The following TRIM51G variants were observed in gnomAD, a reference collection of about 807,000 sequenced individuals.
TRIM51G encodes tripartite motif-containing 51G.
the TRIM51G span, among the ~76,000 whole-genome samples, chr11:48,978,393 G>T: frequency 6.6e-6 from 1 of 151,984 alleles, no homozygotes; most frequent in South Asian, 2.1e-4. Flanking sequence ...AGGGAGAGGA[G>T]GCCCACAGAG....
the TRIM51G span, among the ~76,000 whole-genome samples, chr11:48,979,459 TATGTAAAACC>T: frequency 6.6e-6 from 1 of 152,150 alleles, no homozygotes; most frequent in Non-Finnish European, 1.5e-5. Flanking sequence ...TGGGGCAAGT[TATGTAAAACC>T]ATTATATGAC....
At chr11:48,981,849 A>G in the TRIM51G span, among the ~76,000 whole-genome samples, 3 of 152,304 alleles carry the variant, frequency 2.0e-5, no homozygotes, top group African/African-American at 2.4e-5. Flanking sequence ...TGAAAAATTC[A>G]TACACAAAGA....
the TRIM51G span, among the ~76,000 whole-genome samples, chr11:48,979,555 T>C: frequency 6.6e-6 from 1 of 152,108 alleles, no homozygotes; most frequent in Non-Finnish European, 1.5e-5. Flanking sequence ...TAAAAAGGTT[T>C]CATTTATTCT....
the TRIM51G span, among the ~76,000 whole-genome samples, chr11:48,982,522 C>T: frequency 6.6e-6 from 1 of 151,972 alleles, no homozygotes; most frequent in Non-Finnish European, 1.5e-5. Flanking sequence ...AACAGCAACC[C>T]TCAATGTGGG....
chr11:48,977,184 T>A, the TRIM51G span: 3 of 1,251,112 alleles, frequency 2.4e-6, no homozygotes. Flanking sequence ...GACTCATACC[T>A]GCAAGGAGAA....
chr11:48,977,786 C>T, the TRIM51G span, among the ~76,000 whole-genome samples: 1 of 152,016 alleles, frequency 6.6e-6, no homozygotes, highest in Non-Finnish European at 1.5e-5. Context: ...GTAGTAAATG[C>T]AATATTTTCT....
chr11:48,981,633 G>T, the TRIM51G span: 1 of 1,599,576 alleles, frequency 6.3e-7, no homozygotes, highest in Non-Finnish European at 8.6e-7. Context: ...GGTCTATGAA[G>T]TAGTTCATGC....
At chr11:48,976,831 T>C in the TRIM51G span, among the ~76,000 whole-genome samples, 1 of 152,188 alleles carries the variant, frequency 6.6e-6, no homozygotes, top group Non-Finnish European at 1.5e-5. Context: ...TTTTTATTTC[T>C]TATGTCATTA....
At chr11:48,981,279 A>G in the TRIM51G span, 1 of 1,604,338 alleles carries the variant, frequency 6.2e-7, no homozygotes, top group African/African-American at 1.3e-5. Context: ...CAGAGGCATC[A>G]CTTACCCGGC....
chr11:48,975,867 T>C, the TRIM51G span: 2 of 936,540 alleles, frequency 2.1e-6, no homozygotes, highest in Non-Finnish European at 3.5e-6. Context: ...CAGCCCCCCA[T>C]TGAAGAAAAC....
the TRIM51G span, chr11:48,977,044 G>T: frequency 2.7e-6 from 2 of 742,444 alleles, no homozygotes; most frequent in South Asian, 2.8e-5. Context: ...CTAACAAGAA[G>T]TAATACATTG....
At chr11:48,983,304 G>T in the TRIM51G span, among the ~76,000 whole-genome samples, 11 of 146,884 alleles carry the variant, frequency 7.5e-5, no homozygotes, top group Non-Finnish European at 1.5e-4. Context: ...GCATTTTGGA[G>T]AGCATTCTTA....
the TRIM51G span, among the ~76,000 whole-genome samples, chr11:48,983,582 A>G: frequency 2.6e-4 from 39 of 151,796 alleles, no homozygotes; most frequent in Middle Eastern, 0.01. Flanking sequence ...ACACAAAATG[A>G]CAACAATTAA....
At chr11:48,983,707 G>T in the TRIM51G span, among the ~76,000 whole-genome samples, 4 of 152,022 alleles carry the variant, frequency 2.6e-5, no homozygotes, top group Admixed American at 6.6e-5. Context: ...AAGGAAGAGA[G>T]AAATAATTTT....
chr11:48,981,891 A>T, the TRIM51G span, among the ~76,000 whole-genome samples: 1 of 152,196 alleles, frequency 6.6e-6, no homozygotes, highest in Non-Finnish European at 1.5e-5. Flanking sequence ...GACACTACTG[A>T]CTGGATGACT....
At chr11:48,976,847 A>G in the TRIM51G span, among the ~76,000 whole-genome samples, 1 of 152,140 alleles carries the variant, frequency 6.6e-6, no homozygotes, top group Non-Finnish European at 1.5e-5. Context: ...CATTACATTT[A>G]CCCAATATAT....
chr11:48,978,359 T>C, the TRIM51G span, among the ~76,000 whole-genome samples: 1 of 152,172 alleles, frequency 6.6e-6, no homozygotes, highest in Non-Finnish European at 1.5e-5. Flanking sequence ...GTCTAAGTTT[T>C]GAAGACATTC....
the TRIM51G span, chr11:48,981,622 G>A: frequency 6.2e-7 from 1 of 1,600,088 alleles, no homozygotes. Context: ...TATGGTGACT[G>A]GGTCTATGAA....
chr11:48,979,448 T>C, the TRIM51G span, among the ~76,000 whole-genome samples: 1 of 152,124 alleles, frequency 6.6e-6, no homozygotes, highest in African/African-American at 2.4e-5. Context: ...TTTTGGAGAA[T>C]TGGGGCAAGT....
Sources: gnomAD v4.1 joint callset for allele counts (sites outside exome capture counted in the v4.1 genomes callset) on GRCh38, gnomAD v4.1.1 for gene constraint, MANE v1.5 for transcripts, NCBI Gene and HGNC (gene_info 2026-07-23, HGNC 2026-07-21) for gene names.